Variants in IGSF10 observed in about 807,000 individuals in gnomAD.
IGSF10 encodes immunoglobulin superfamily member 10, also known as calvaria mechanical force protein 608.
Under a neutral mutation model 128.2 loss-of-function variants are expected in IGSF10, and 126 were observed. The ratio of observed to expected loss-of-function variants is 0.98; its 90% confidence interval spans 0.85 to 1.14. IGSF10 has a LOEUF of 1.14. IGSF10 is among the 50% of genes most tolerant of loss of function. The pLI is 0.00. For synonymous variants in IGSF10, 1,185 were observed against 1,146.2 expected (o/e 1.03, Z -0.68); for missense variants, 3,295 against 3,149.8 (o/e 1.05, Z -1.10).
chr3:151,515,674 CA>C, the IGSF10 span, among the ~76,000 whole-genome samples: 2 of 149,222 alleles, frequency 1.3e-5, no homozygotes, highest in Non-Finnish European at 3.0e-5. Flanking sequence ...ATAAAATGAC[CA>C]AAAAATATAT....
At chr3:151,465,369 C>G (rs1722244019), upstream of IGSF10, among the ~76,000 whole-genome samples, 1 of 152,168 alleles carries the variant, frequency 6.6e-6, no homozygotes. Context: ...AAATAGGTGC[C>G]TGAAGAGCAG....
At chr3:151,472,594 G>A in the IGSF10 span, among the ~76,000 whole-genome samples, 1 of 152,182 alleles carries the variant, frequency 6.6e-6, no homozygotes, top group African/African-American at 2.4e-5. Flanking sequence ...TACTACCTTT[G>A]GCTTTAATGG....
the IGSF10 span, among the ~76,000 whole-genome samples, chr3:151,535,916 A>T: frequency 6.6e-6 from 1 of 152,162 alleles, no homozygotes; most frequent in Non-Finnish European, 1.5e-5. Context: ...TTCACTGTTT[A>T]TTATTTGTAA....
intron 2 of IGSF10, among the ~76,000 whole-genome samples, chr3:151,459,405 G>T (rs965104971): frequency 6.6e-6 from 1 of 152,098 alleles, no homozygotes; most frequent in Non-Finnish European, 1.5e-5. Flanking sequence ...CTGGAAGGGA[G>T]AATAAATCTC....
chr3:151,505,774 T>A, the IGSF10 span, among the ~76,000 whole-genome samples: 5 of 152,300 alleles, frequency 3.3e-5, no homozygotes, highest in East Asian at 7.7e-4. Flanking sequence ...GCATATACAT[T>A]TAAAGACTTT....
chr3:151,434,121 TTC>T (rs1437898394), downstream of IGSF10: 5 of 152,334 alleles, frequency 3.3e-5, no homozygotes, highest in African/African-American at 2.4e-5. Context: ...TTTTCCCATG[TTC>T]TCTGTTATTT....
the IGSF10 span, among the ~76,000 whole-genome samples, chr3:151,579,318 G>A: frequency 6.6e-6 from 1 of 152,054 alleles, no homozygotes; most frequent in Non-Finnish European, 1.5e-5. Flanking sequence ...AAAAATGCAA[G>A]ACAAAGCAAC....
the IGSF10 span, among the ~76,000 whole-genome samples, chr3:151,599,622 A>G: frequency 1.3e-5 from 2 of 152,198 alleles, no homozygotes; most frequent in Non-Finnish European, 2.9e-5. Flanking sequence ...AATGATAGGA[A>G]AATCGAACTT....
the IGSF10 span, among the ~76,000 whole-genome samples, chr3:151,558,287 T>C: frequency 6.6e-6 from 1 of 151,190 alleles, no homozygotes; most frequent in Admixed American, 6.6e-5. Context: ...ATAAGTCAGG[T>C]AGATTTAGAA....
At chr3:151,555,165 G>A in the IGSF10 span, among the ~76,000 whole-genome samples, 1 of 152,200 alleles carries the variant, frequency 6.6e-6, no homozygotes, top group Admixed American at 6.6e-5. Context: ...GTGACAAAAC[G>A]TGTAAAACTG....
rs184438763 is a variant in IGSF10, at chr3:151,448,134, T to C, written c.1847A>G (p.Tyr616Cys). 19 of 1,614,196 alleles carry C rather than the reference T, an allele frequency of 1.2e-5. No individual in the cohort carries two copies. In the South Asian group the frequency reaches 1.5e-4, roughly 13 times the overall value. The change falls in exon 6 of 8, where the codon TAT becomes TGT. Residue 616 changes from tyrosine (Y) to cysteine (C), a missense_variant. Tyr to Cys is a radical substitution (Grantham distance 194). Coordinates refer to ENST00000282466, the MANE Select transcript of IGSF10 (RefSeq NM_178822.5). The stretch of plus-strand genomic sequence containing the variant: ...AACTTTCTTGTCTCTTGATGACTGA[T>C]AGAGCACATTGTTTCCTGGAATAAC... ...SWVIPGNNVL[Y>C]QSSRDKKVLN...
At chr3:151,616,317 A>G in the IGSF10 span, among the ~76,000 whole-genome samples, 3 of 152,154 alleles carry the variant, frequency 2.0e-5, no homozygotes, top group Non-Finnish European at 4.4e-5. Flanking sequence ...TGTTTCATTC[A>G]TCCAACATAT....
chr3:151,543,029 A>G, the IGSF10 span, among the ~76,000 whole-genome samples: 1 of 152,224 alleles, frequency 6.6e-6, no homozygotes, highest in Non-Finnish European at 1.5e-5. Flanking sequence ...CAGCTCATTT[A>G]TAAAATCTCT....
the IGSF10 span, among the ~76,000 whole-genome samples, chr3:151,474,176 A>AT: frequency 6.6e-6 from 1 of 152,100 alleles, no homozygotes; most frequent in East Asian, 1.9e-4. Flanking sequence ...AGCTTTAGAT[A>AT]TTTTGCTCAA....
At chr3:151,483,898 A>C in the IGSF10 span, among the ~76,000 whole-genome samples, 122,947 of 152,114 alleles carry the variant, frequency 0.81, 49,756 homozygotes, top group Middle Eastern at 0.92. Flanking sequence ...ACTGAGCTAG[A>C]TGCATGAGTT....
chr3:151,443,493 G>C lies in IGSF10; in HGVS notation c.5454C>G (p.Tyr1818Ter). The C allele has an allele frequency of 5.0e-6, 8 of 1,614,156 alleles. No individual in the cohort carries two copies. Among genetic ancestry groups the C allele is most frequent in the Non-Finnish European group, 6.8e-6 (8 of 1,179,996 alleles). ...CACCTGGGTTGCTGGCCACACATTTGTAAAAGCCACGGTCATAAATACTGA... is the reference window on the plus strand; with the variant it reads ...CACCTGGGTTGCTGGCCACACATTTCTAAAAGCCACGGTCATAAATACTGA... ...HNLSIYDRGF[Y>*]KCVASNPGGQ... is the part of the protein sequence containing the mutation. The change falls in exon 7 of 8, where the codon TAC becomes TAG. Residue 1818 changes from tyrosine (Y) to a stop codon, truncating the protein, a stop_gained. Coordinates refer to ENST00000282466, the MANE Select transcript of IGSF10 (RefSeq NM_178822.5). LOFTEE classifies it high-confidence loss of function.
At chr3:151,501,894 A>G in the IGSF10 span, among the ~76,000 whole-genome samples, 5 of 152,144 alleles carry the variant, frequency 3.3e-5, no homozygotes, top group African/African-American at 9.6e-5. Flanking sequence ...AAAGTTACAC[A>G]ATAAATTGAT....
intron 3 of IGSF10, among the ~76,000 whole-genome samples, chr3:151,458,123 ATG>A (rs1721886567): frequency 6.6e-6 from 1 of 151,722 alleles, no homozygotes; most frequent in African/African-American, 2.4e-5. Flanking sequence ...ATATATATAT[ATG>A]TATGTATGTG....
At chr3:151,564,350 C>T in the IGSF10 span, among the ~76,000 whole-genome samples, 1 of 151,966 alleles carries the variant, frequency 6.6e-6, no homozygotes, top group African/African-American at 2.4e-5. Flanking sequence ...AGCCAATTGG[C>T]AGCTTTGGAT....
Sources: gnomAD v4.1 joint callset for allele counts (sites outside exome capture counted in the v4.1 genomes callset) on GRCh38, gnomAD v4.1.1 for gene constraint, MANE v1.5 for transcripts, NCBI Gene and HGNC (gene_info 2026-07-23, HGNC 2026-07-21) for gene names.